The following CSNK1D variants were observed in gnomAD, a reference collection of about 807,000 sequenced individuals.
The protein encoded by CSNK1D is casein kinase I isoform delta.
A neutral mutation model predicts 46.6 loss-of-function variants in CSNK1D; 16 were observed. The observed-to-expected ratio is 0.34, with a 90% CI of 0.23 to 0.52. The LOEUF is 0.52. CSNK1D is among the 20% of genes least tolerant of loss of function. The probability of loss-of-function intolerance (pLI) is 0.95; values close to 1 mark genes in which losing one functional copy is unlikely to be tolerated. For missense variants in CSNK1D, 398 were observed against 578.4 expected (o/e 0.69, Z 3.20); for synonymous variants, 276 against 228.2 (o/e 1.21, Z -1.89).
intron 2 of CSNK1D, among the ~76,000 whole-genome samples, chr17:82,256,825 A>G (rs2051187149): frequency 6.6e-6 from 1 of 151,940 alleles, no homozygotes; most frequent in South Asian, 2.1e-4. Context: ...AACTATACAC[A>G]TGGCTCTACA....
chr17:82,245,348 G>A (rs970799225), intron 8 of CSNK1D: 3 of 253,792 alleles, frequency 1.2e-5, no homozygotes, highest in South Asian at 4.5e-5. Flanking sequence ...GCCATGCACC[G>A]ACGGCGGGGA....
At position 82,246,490 on chromosome 17, in the gene CSNK1D, C is replaced by T. The variant is rs1055625494; in HGVS notation, c.1198-1659G>A. ...ACTGTTGGAATGACAAGGCCTTCTT[C>T]TCACCAAGTAAAAACCCCAAACAGA... On this transcript the variant is annotated intron_variant, in intron 8 of 8. Coordinates refer to ENST00000314028, the MANE Select transcript of CSNK1D (RefSeq NM_001893.6). The T allele has an allele frequency of 9.2e-6, 10 of 1,091,888 alleles. No homozygotes were observed. The African/African-American group carries it at 1.5e-4, about 16-fold the overall frequency. The allele number at this position is 1,091,888 out of a possible 1,614,324, so 67.6% of individuals were successfully genotyped here. A position where few individuals can be genotyped will look rare whatever the true frequency, so the allele number is the denominator to read the frequency against.
chr17:82,244,944 C>G, intron 8 of CSNK1D, 113 bp from the exon 9 acceptor site: 1 of 1,385,322 alleles, frequency 7.2e-7, no homozygotes, highest in Non-Finnish European at 1.0e-6. Context: ...CCGCCTAGCC[C>G]CAGTCTAGAC....
Position 82,255,631 on chromosome 17 carries a change from C to T in CSNK1D, c.188-54G>A, listed in dbSNP as rs2051157095. 1.9e-6 allele frequency: 3 copies of T among 1,607,996 alleles called. No individual in the cohort carries two copies. The highest frequency in any genetic ancestry group is 2.6e-6 in the Non-Finnish European group (3 of 1,174,866). ...CAGTCCAGGCCCTGCCTCAGCTCCA[C>T]ACTAAGTCTGCACTGTGCACACCAA... On this transcript the variant is annotated intron_variant, in intron 2 of 8. Transcript: ENST00000314028. The surrounding 1 kb of genome is among the most constrained non-coding windows in gnomAD (Gnocchi z 5.9).
Position 82,250,481 on chromosome 17 carries a change from A to AG in CSNK1D, c.886-880dup, listed in dbSNP as rs1376034189. ...TCCCGAGGCAGCACAGCCCCGGCAG[A>AG]GGGACTGATCTGCCCTGCCGAGTGC... On this transcript the variant is annotated intron_variant, in intron 6 of 8. Coordinates refer to ENST00000314028, the MANE Select transcript of CSNK1D (RefSeq NM_001893.6). The surrounding 1 kb of genome is among the most constrained non-coding windows in gnomAD (Gnocchi z 4.6). 3 of 323,170 alleles carry AG rather than the reference A, an allele frequency of 9.3e-6. No homozygotes were observed. Among genetic ancestry groups the AG allele is most frequent in the African/African-American group, 6.6e-5 (3 of 45,720 alleles). The allele number at this position is 323,170 out of a possible 1,614,324, so 20.0% of individuals were successfully genotyped here.
rs947866607 is a variant in CSNK1D, at chr17:82,247,389, G to A, written c.1197+1486C>T. 9.3e-5 allele frequency: 92 copies of A among 985,410 alleles called. No individual in the cohort carries two copies. In the Middle Eastern group the frequency reaches 2.1e-3, roughly 22 times the overall value. 61.0% of individuals were successfully genotyped at this position (985,410 alleles called of 1,614,324 possible). A position where few individuals can be genotyped will look rare whatever the true frequency, so the allele number is the denominator to read the frequency against. On this transcript the variant is annotated intron_variant, in intron 8 of 8. Coordinates refer to ENST00000314028, the MANE Select transcript of CSNK1D (RefSeq NM_001893.6). The stretch of plus-strand genomic sequence containing the variant: ...GGCTGTGGCTACTCAGCACGCTCAG[G>A]ACACCTTCACTGCCCACAAAGATCC...
chr17:82,248,868 C>T lies in CSNK1D; in HGVS notation c.1197+7G>A, dbSNP rs1448967929. 6.2e-7 allele frequency: 1 copy of T among 1,608,506 alleles called. No individual in the cohort carries two copies. Among genetic ancestry groups the T allele is most frequent in the Non-Finnish European group, 8.5e-7 (1 of 1,177,218 alleles). On this transcript the variant is annotated splice_region_variant and intron_variant, in intron 8 of 8. Transcript: ENST00000314028. This position sits in a 1 kb window ranked among gnomAD's most constrained non-coding sequence, Gnocchi z 4.1. ...GCCCAGCGCCCGCCCGGGAGCTCTG[C>T]ACCTACCTGTGAGGTGGACATGCGA...
Position 82,255,450 on chromosome 17 carries a change from G to C in CSNK1D, c.315C>G (p.Val105=), listed in dbSNP as rs781744472. The C allele has an allele frequency of 1.2e-6, 2 of 1,614,172 alleles. No individual in the cohort carries two copies. The highest frequency in any genetic ancestry group is 2.2e-5 in the East Asian group (1 of 44,870). Residue 105 remains valine, a synonymous_variant, in exon 3 of 9, where the codon GTC becomes GTG. Coordinates refer to ENST00000314028, the MANE Select transcript of CSNK1D (RefSeq NM_001893.6). This position sits in a 1 kb window ranked among gnomAD's most constrained non-coding sequence, Gnocchi z 5.9. ...TTACCATTTGGTCAGCAAGCAGCAGGACGGTTTTGAGGCTGAATTTCCTGG... is the reference window on the plus strand; with the variant it reads ...TTACCATTTGGTCAGCAAGCAGCAGCACGGTTTTGAGGCTGAATTTCCTGG... ...FCSRKFSLKT[V]LLLADQMISR...
At chr17:82,239,841 G>A, downstream of CSNK1D, 1 of 450,426 alleles carries the variant, frequency 2.2e-6, no homozygotes, top group Non-Finnish European at 3.6e-6. Context: ...AGTGCCCAGG[G>A]CTGGTCTTTG....
At position 82,248,999 on chromosome 17, in the gene CSNK1D, C is replaced by T. The variant is rs147321335; in HGVS notation, c.1073G>A (p.Arg358Gln). The change falls in exon 8 of 9, where the codon CGG becomes CAG. Residue 358 changes from arginine (R) to glutamine (Q), a missense_variant. Coordinates refer to ENST00000314028, the MANE Select transcript of CSNK1D (RefSeq NM_001893.6). The surrounding 1 kb of genome is among the most constrained non-coding windows in gnomAD (Gnocchi z 4.1). ...PTSHTANTSP[R>Q]PVSGMERERK... Reference sequence around the variant, plus strand: ...CTCTCTCTCCATGCCGGAGACGGGCCGGGGGGAGGTGTTAGCTGAGGACAG... The same window carrying T: ...CTCTCTCTCCATGCCGGAGACGGGCTGGGGGGAGGTGTTAGCTGAGGACAG... 45 of 1,562,848 alleles carry T rather than the reference C, an allele frequency of 2.9e-5. No individual in the cohort carries two copies. Among genetic ancestry groups the T allele is most frequent in the Non-Finnish European group, 3.6e-5 (41 of 1,152,766 alleles).
In CSNK1D at chr17:82,265,777, T is replaced by C. The variant is rs1286892061; in HGVS notation, c.96A>G (p.Gly32=). Reference sequence around the variant, plus strand: ...ATTCAAGCTTGATGGCAACCTCTTCTCCTGCAGCAATGTCCGTACCTTGGC... The same window carrying C: ...ATTCAAGCTTGATGGCAACCTCTTCCCCTGCAGCAATGTCCGTACCTTGGC... ...DIYLGTDIAA[G]EEVAIKLECV... is the part of the protein sequence containing the mutation. Residue 32 remains glycine (G), a synonymous_variant, in exon 2 of 9, where the codon GGA becomes GGG. Transcript: ENST00000314028. 1.2e-6 allele frequency: 2 copies of C among 1,614,080 alleles called. No individual in the cohort carries two copies. The highest frequency in any genetic ancestry group is 1.1e-5 in the South Asian group (1 of 91,080).
Position 82,251,867 on chromosome 17 carries a change from G to T in CSNK1D, c.737-340C>A. On this transcript the variant is annotated intron_variant, in intron 5 of 8. Transcript: ENST00000314028. This position sits in a 1 kb window ranked among gnomAD's most constrained non-coding sequence, Gnocchi z 4.5. ...AAAGTTCTAGAGCGTGGTGGCGGGCGCCTGTAGTCCCAGCTACCGGGGAGG... is the reference window on the plus strand; with the variant it reads ...AAAGTTCTAGAGCGTGGTGGCGGGCTCCTGTAGTCCCAGCTACCGGGGAGG... 1 of 351,608 alleles carries T rather than the reference G, an allele frequency of 2.8e-6. No individual in the cohort carries two copies. The highest frequency in any genetic ancestry group is 4.4e-5 in the Admixed American group (1 of 22,628). 21.8% of individuals were successfully genotyped at this position (351,608 alleles called of 1,614,324 possible).
chr17:82,260,408 G>C (rs937474237), intron 2 of CSNK1D, among the ~76,000 whole-genome samples: 66 of 145,308 alleles, frequency 4.5e-4, no homozygotes, highest in African/African-American at 1.7e-3. Flanking sequence ...GGTGTACTGA[G>C]TGATGTGACT....
intron 2 of CSNK1D, among the ~76,000 whole-genome samples, chr17:82,257,666 C>T (rs996418034): frequency 6.6e-6 from 1 of 152,204 alleles, no homozygotes; most frequent in African/African-American, 2.4e-5. Flanking sequence ...CTGGGCTGCC[C>T]CCTGCACTGC....
At position 82,247,899 on chromosome 17, in the gene CSNK1D, A is replaced by C. The variant is rs1365994181; in HGVS notation, c.1197+976T>G. 4 of 985,452 alleles carry C rather than the reference A, an allele frequency of 4.1e-6. No individual in the cohort carries two copies. The East Asian group carries it at 4.5e-4, about 112-fold the overall frequency. 61.0% of individuals were successfully genotyped at this position (985,452 alleles called of 1,614,324 possible). On this transcript the variant is annotated intron_variant, in intron 8 of 8. Coordinates refer to ENST00000314028, the MANE Select transcript of CSNK1D (RefSeq NM_001893.6). Reference sequence around the variant, plus strand: ...TTAGTGAATTAGAAACGTGCAGTAAAACCCCAATCATTAAAAGACGGCAAG... The same window carrying C: ...TTAGTGAATTAGAAACGTGCAGTAACACCCCAATCATTAAAAGACGGCAAG...
At chr17:82,245,601 G>A in intron 8 of CSNK1D, 2 of 332,206 alleles carry the variant, frequency 6.0e-6, no homozygotes, top group South Asian at 5.2e-5. Context: ...CGCCCCTCCA[G>A]GCACGGCCGA....
Position 82,243,354 on chromosome 17 carries a change from A to C in CSNK1D, c.*1427T>G. On this transcript the variant is annotated 3_prime_UTR_variant, in exon 9 of 9. Coordinates refer to ENST00000314028, the MANE Select transcript of CSNK1D (RefSeq NM_001893.6). ...CCAGCCGAAGTGCCCACGAACACAG[A>C]CTGCCCTGCGCATTGGGGTTGGGAG... The C allele has an allele frequency of 4.1e-6, 4 of 985,558 alleles. No individual in the cohort carries two copies. The South Asian group carries it at 1.9e-4, about 46-fold the overall frequency. The allele number at this position is 985,558 out of a possible 1,614,324, so 61.1% of individuals were successfully genotyped here.
downstream of CSNK1D, chr17:82,240,142 T>C: frequency 1.8e-6 from 2 of 1,095,898 alleles, no homozygotes; most frequent in Non-Finnish European, 2.3e-6. Flanking sequence ...CCAGCTGGGC[T>C]TGAGCTCTTG....
intron 2 of CSNK1D, among the ~76,000 whole-genome samples, chr17:82,259,472 G>T (rs1033527471): frequency 1.3e-5 from 2 of 152,206 alleles, no homozygotes; most frequent in South Asian, 2.1e-4. Flanking sequence ...CACTGCAGGG[G>T]GGAATGGAAA....
Sources: gnomAD v4.1 joint callset for allele counts (sites outside exome capture counted in the v4.1 genomes callset) on GRCh38, gnomAD v4.1.1 for gene constraint, Gnocchi (gnomAD v3.1) non-coding constraint, MANE v1.5 for transcripts, NCBI Gene and HGNC (gene_info 2026-07-23, HGNC 2026-07-21) for gene names.